SERGEF: variants seen among roughly 807,000 people sequenced by gnomAD.
SERGEF encodes the protein secretion regulating guanine nucleotide exchange factor.
Under a neutral mutation model 50.0 loss-of-function variants are expected in SERGEF, and 51 were observed. The ratio of observed to expected loss-of-function variants is 1.02; its 90% CI spans 0.81 to 1.29. The LOEUF (loss-of-function observed/expected upper bound fraction) is 1.29, where lower values mean the gene tolerates loss of function less well. Among genes scored for constraint, SERGEF ranks in the 50% most tolerant of loss-of-function variants. SERGEF has a pLI of 0.00. For missense variants in SERGEF, 521 were observed against 557.0 expected, an observed-to-expected ratio of 0.94 and a Z score of 0.65; for synonymous variants, 205 against 212.4, an observed-to-expected ratio of 0.97 and a Z score of 0.30.
At chr11:17,928,169 A>G (rs1047042035) in intron 9 of SERGEF, among the ~76,000 whole-genome samples, 1 of 152,230 alleles carries the variant, frequency 6.6e-6, no homozygotes, top group Non-Finnish European at 1.5e-5. Context: ...CATGAACAGA[A>G]GCTCTAAAAT....
At chr11:17,836,511 A>G (rs1274296691) in intron 10 of SERGEF, among the ~76,000 whole-genome samples, 1 of 152,210 alleles carries the variant, frequency 6.6e-6, no homozygotes, top group African/African-American at 2.4e-5. Flanking sequence ...CAACTAGACT[A>G]TAGCTTTAAG....
At chr11:17,859,919 G>A (rs959424211) in intron 10 of SERGEF, among the ~76,000 whole-genome samples, 6 of 152,264 alleles carry the variant, frequency 3.9e-5, no homozygotes, top group Middle Eastern at 3.4e-3. Flanking sequence ...CCTCTTTTCC[G>A]GGAAAGGTAC....
In SERGEF at chr11:17,830,330, T is replaced by C. The variant is rs377169075; in HGVS notation, c.1049-41917A>G. On this transcript the variant is annotated intron_variant, in intron 10 of 10. Coordinates refer to ENST00000265965, the MANE Select transcript of SERGEF (RefSeq NM_012139.4). Reference sequence around the variant, plus strand: ...ACCTTTCTTCAGGGTTTGCCTTTCCTGGAGCTATTCATTCATATATTCACT... The same window carrying C: ...ACCTTTCTTCAGGGTTTGCCTTTCCCGGAGCTATTCATTCATATATTCACT... Among the ~76,000 whole-genome samples, 49 of 152,368 alleles carry C rather than the reference T, an allele frequency of 3.2e-4. 1 individual carries two copies. Among genetic ancestry groups the C allele is most frequent in the African/African-American group, 1.2e-3 (48 of 41,600 alleles).
chr11:17,893,859 T>C (rs3885005), intron 9 of SERGEF, among the ~76,000 whole-genome samples: 8,895 of 152,150 alleles, frequency 0.058, 885 homozygotes, highest in African/African-American at 0.2. Context: ...CACAGGCACA[T>C]AGAAAGGGTG....
intron 9 of SERGEF, among the ~76,000 whole-genome samples, chr11:17,901,269 T>C (rs557703968): frequency 6.6e-6 from 1 of 152,210 alleles, no homozygotes; most frequent in Non-Finnish European, 1.5e-5. Context: ...ACAATGGCAA[T>C]AGTTTCTTAA....
chr11:17,941,143 A>T (rs1852555699), intron 9 of SERGEF, among the ~76,000 whole-genome samples: 1 of 152,224 alleles, frequency 6.6e-6, no homozygotes, highest in Non-Finnish European at 1.5e-5. Context: ...TTTTAAATGT[A>T]TTTTAAAATA....
At chr11:17,857,166 C>T (rs1489639155) in intron 10 of SERGEF, among the ~76,000 whole-genome samples, 2 of 152,178 alleles carry the variant, frequency 1.3e-5, no homozygotes, top group African/African-American at 2.4e-5. Flanking sequence ...AAGTTGCCGA[C>T]GTTCTATCTC....
chr11:17,845,411 GCA>G (rs1477939131), intron 10 of SERGEF, among the ~76,000 whole-genome samples: 2 of 152,184 alleles, frequency 1.3e-5, no homozygotes, highest in Non-Finnish European at 2.9e-5. Context: ...AAAGCCAAGT[GCA>G]GAAAGGGTTC....
At chr11:17,936,254 G>A (rs1181433293) in intron 9 of SERGEF, among the ~76,000 whole-genome samples, 2 of 152,180 alleles carry the variant, frequency 1.3e-5, no homozygotes, top group East Asian at 3.9e-4. Context: ...TGAGGACCTA[G>A]TTGCCCTATT....
chr11:17,867,601 G>A (rs568466605), intron 10 of SERGEF, among the ~76,000 whole-genome samples: 176 of 152,288 alleles, frequency 1.2e-3, no homozygotes, highest in African/African-American at 3.7e-3. Context: ...TCTTCTCACC[G>A]CTCCACTAGG....
intron 10 of SERGEF, among the ~76,000 whole-genome samples, chr11:17,853,290 C>T (rs904018084): frequency 2.6e-5 from 4 of 152,174 alleles, no homozygotes; most frequent in Non-Finnish European, 4.4e-5. Context: ...TCATCATGAA[C>T]GTGCCCAACA....
At chr11:17,824,157 C>T (rs563627592) in intron 10 of SERGEF, among the ~76,000 whole-genome samples, 22 of 152,200 alleles carry the variant, frequency 1.4e-4, no homozygotes, top group South Asian at 8.3e-4. Context: ...AAAAATTAGC[C>T]GGGCGTGGTG....
chr11:17,910,374 G>A lies in SERGEF; in HGVS notation c.1012-32130C>T, dbSNP rs1285755533. On this transcript the variant is annotated intron_variant, in intron 9 of 10. Coordinates refer to ENST00000265965, the MANE Select transcript of SERGEF (RefSeq NM_012139.4). ...AGCAATCCTCCTGCCTCAACCTCCC[G>A]AGTAGTTAGGACTACAGGCATGTGC... Among the ~76,000 whole-genome samples, 4 of 152,034 alleles carry A rather than the reference G, an allele frequency of 2.6e-5. No homozygotes were observed. In the East Asian group the frequency reaches 7.7e-4, roughly 29 times the overall value.
chr11:17,832,980 T>C (rs1303437238), intron 10 of SERGEF, among the ~76,000 whole-genome samples: 6 of 152,142 alleles, frequency 3.9e-5, no homozygotes, highest in African/African-American at 1.2e-4. Flanking sequence ...AGCCTGACAA[T>C]GCACTACAAA....
chr11:17,935,159 TTAAAA>T (rs561173728), intron 9 of SERGEF, among the ~76,000 whole-genome samples: 10 of 152,144 alleles, frequency 6.6e-5, no homozygotes, highest in Admixed American at 3.9e-4. Flanking sequence ...GCATACAATT[TTAAAA>T]TAAAATAAAA....
At chr11:17,909,632 G>A (rs1418411983) in intron 9 of SERGEF, among the ~76,000 whole-genome samples, 1 of 152,204 alleles carries the variant, frequency 6.6e-6, no homozygotes, top group Admixed American at 6.5e-5. Flanking sequence ...CATGCTATTA[G>A]AGTCAAATAA....
chr11:17,853,306 C>T (rs1850747218), intron 10 of SERGEF, among the ~76,000 whole-genome samples: 1 of 152,204 alleles, frequency 6.6e-6, no homozygotes, highest in Non-Finnish European at 1.5e-5. Context: ...CAACACACTG[C>T]TTGGCACATG....
At chr11:17,808,357 T>C (rs1398587689) in intron 10 of SERGEF, among the ~76,000 whole-genome samples, 2 of 152,120 alleles carry the variant, frequency 1.3e-5, no homozygotes, top group African/African-American at 2.4e-5. Flanking sequence ...CTTCCAATCA[T>C]GGTGGAAGGC....
intron 9 of SERGEF, among the ~76,000 whole-genome samples, chr11:17,892,664 T>C (rs1851553976): frequency 1.3e-5 from 2 of 152,250 alleles, no homozygotes; most frequent in African/African-American, 4.8e-5. Flanking sequence ...CTAACATTTG[T>C]CTAGCACTGA....
Sources: gnomAD v4.1 joint callset for allele counts (sites outside exome capture counted in the v4.1 genomes callset) on GRCh38, gnomAD v4.1.1 for gene constraint, MANE v1.5 for transcripts, NCBI Gene and HGNC (gene_info 2026-07-23, HGNC 2026-07-21) for gene names.